PHACTR2: variants seen among roughly 807,000 people sequenced by gnomAD.
PHACTR2 encodes the protein chromosome 6 open reading frame 56.
PHACTR2 carries 30 observed loss-of-function variants against 76.0 expected under a neutral mutation model. The ratio of observed to expected loss-of-function variants is 0.39; its 90% CI spans 0.30 to 0.54. PHACTR2 has a LOEUF of 0.54. PHACTR2 is among the 20% of genes least tolerant of loss of function. The probability of loss-of-function intolerance (pLI) is 0.61; values close to 1 mark genes in which losing one functional copy is unlikely to be tolerated. For synonymous variants in PHACTR2, 292 were observed against 292.5 expected (o/e 1.00, Z 0.02); for missense variants, 696 against 781.1 (o/e 0.89, Z 1.30).
chr6:143,666,770 G>A (rs541582011), intron 1 of PHACTR2, among the ~76,000 whole-genome samples: 140 of 152,266 alleles, frequency 9.2e-4, no homozygotes, highest in African/African-American at 3.2e-3. Flanking sequence ...GTAGATTCTG[G>A]ATGTTAGCCC....
chr6:143,569,775 T>C (rs761006144), intron 1 of PHACTR2, among the ~76,000 whole-genome samples: 15 of 152,164 alleles, frequency 9.9e-5, no homozygotes, highest in African/African-American at 2.9e-4. Flanking sequence ...TACAATAACA[T>C]TGGAGAAAAT....
Position 143,646,515 on chromosome 6 carries a change from C to T in PHACTR2, c.13+38193C>T, listed in dbSNP as rs1325956217. Among the ~76,000 whole-genome samples, 1 of 152,134 alleles carries T rather than the reference C, an allele frequency of 6.6e-6. No homozygotes were observed. Among genetic ancestry groups the T allele is most frequent in the Non-Finnish European group, 1.5e-5 (1 of 68,020 alleles). ...TAACATAATATGATGACTACTTAGA[C>T]ATAACCTGATCCTTCAAATATAACT... On this transcript the variant is annotated intron_variant, in intron 1 of 11. Coordinates refer to the PHACTR2 transcript ENST00000305766. The surrounding 1 kb of genome is among the most constrained non-coding windows in gnomAD (Gnocchi z 4.1).
chr6:143,759,712 G>A (rs1440550269), intron 4 of PHACTR2, among the ~76,000 whole-genome samples: 2 of 151,518 alleles, frequency 1.3e-5, no homozygotes, highest in African/African-American at 2.4e-5. Flanking sequence ...AGGAAGGAAG[G>A]AAAGGGCAGA....
chr6:143,670,529 C>A (rs1023640145), intron 1 of PHACTR2, among the ~76,000 whole-genome samples: 8 of 152,124 alleles, frequency 5.3e-5, no homozygotes, highest in African/African-American at 1.7e-4. Flanking sequence ...TTCTTGGAGG[C>A]TTTGTTCATT....
At chr6:143,798,085 T>C (rs1361127556) in intron 11 of PHACTR2, among the ~76,000 whole-genome samples, 1 of 152,208 alleles carries the variant, frequency 6.6e-6, no homozygotes, top group Non-Finnish European at 1.5e-5. Context: ...GAGCAGTGGT[T>C]TGTAGTTCTC....
Position 143,700,929 on chromosome 6 carries a change from C to T in PHACTR2, c.47-11087C>T, listed in dbSNP as rs1292633247. 2.6e-5 allele frequency among the ~76,000 whole-genome samples: 4 copies of T among 152,252 alleles called. No individual in the cohort carries two copies. The highest frequency in any genetic ancestry group is 9.6e-5 in the African/African-American group (4 of 41,460). ...GTAGCGACATCTTGCTATTCCTAAG[C>T]AGTCATCCTATCTGTTCATAGAGAC... On this transcript the variant is annotated intron_variant, in intron 1 of 12. Coordinates refer to ENST00000440869, the MANE Select transcript of PHACTR2 (RefSeq NM_001100164.2). This position sits in a 1 kb window ranked among gnomAD's most constrained non-coding sequence, Gnocchi z 4.1.
intron 1 of PHACTR2, among the ~76,000 whole-genome samples, chr6:143,642,429 CCTT>C (rs1382796248): frequency 6.6e-6 from 1 of 152,164 alleles, no homozygotes; most frequent in Non-Finnish European, 1.5e-5. Context: ...AAGATTTGCA[CCTT>C]CTTATCTTCA....
intron 1 of PHACTR2, among the ~76,000 whole-genome samples, chr6:143,552,613 A>G (rs1369411560): frequency 6.6e-6 from 1 of 152,188 alleles, no homozygotes; most frequent in Non-Finnish European, 1.5e-5. Context: ...GAATTAAAAA[A>G]AAATTGAAGG....
rs1775738129 is a variant in PHACTR2, at chr6:143,595,457, A to G, written c.217+58250A>G. Among the ~76,000 whole-genome samples the G allele has an allele frequency of 6.6e-6, 1 of 152,210 alleles. No homozygotes were observed. Among genetic ancestry groups the G allele is most frequent in the Non-Finnish European group, 1.5e-5 (1 of 68,032 alleles). On this transcript the variant is annotated intron_variant, in intron 1 of 11. Transcript: ENST00000367584. The surrounding 1 kb of genome is among the most constrained non-coding windows in gnomAD (Gnocchi z 4.2). ...GGGTCATGAGAATTCTATGGTGCTG[A>G]CTGCATTTGGAGCTTAATTATTTAA... is the stretch of plus-strand genomic sequence containing the variant.
Position 143,828,145 on chromosome 6 carries a change from A to G in PHACTR2, c.*4456A>G, listed in dbSNP as rs773804110. 2.0e-5 allele frequency: 3 copies of G among 152,120 alleles called. No individual in the cohort carries two copies. The highest frequency in any genetic ancestry group is 4.4e-5 in the Non-Finnish European group (3 of 68,030). 9.4% of individuals were successfully genotyped at this position (152,120 alleles called of 1,614,324 possible). A position where few individuals can be genotyped will look rare whatever the true frequency, so the allele number is the denominator to read the frequency against. ...AGCCTGGGAGACAGAGCAAGACTCC[A>G]TCTCAAAATAATAATAATAGTAATA... On this transcript the variant is annotated 3_prime_UTR_variant, in exon 13 of 13. Coordinates refer to ENST00000440869, the MANE Select transcript of PHACTR2 (RefSeq NM_001100164.2). The surrounding 1 kb of genome is among the most constrained non-coding windows in gnomAD (Gnocchi z 4.7).
intron 10 of PHACTR2, among the ~76,000 whole-genome samples, chr6:143,785,886 TG>T (rs1450932826): frequency 1.3e-5 from 2 of 152,222 alleles, no homozygotes; most frequent in Non-Finnish European, 2.9e-5. Context: ...ACAGGGACCC[TG>T]GGCCCTGCCC....
At chr6:143,707,141 A>C (rs540037993) in intron 1 of PHACTR2, among the ~76,000 whole-genome samples, 266 of 151,978 alleles carry the variant, frequency 1.8e-3, no homozygotes, top group African/African-American at 6.0e-3. Context: ...AAATATACAC[A>C]GATAATCTTA....
rs563696387 is a variant in PHACTR2 at position 143,719,873 on chromosome 6, C to T, written c.214+7690C>T. On this transcript the variant is annotated intron_variant, in intron 2 of 12. Coordinates refer to ENST00000440869, the MANE Select transcript of PHACTR2 (RefSeq NM_001100164.2). The stretch of plus-strand genomic sequence containing the variant: ...TCTCGCCCAGGCTGGAGTGCAATGG[C>T]GTAATCTCACTCACTGCAACCTCCA... 2.6e-4 allele frequency among the ~76,000 whole-genome samples: 34 copies of T among 129,774 alleles called. No individual in the cohort carries two copies. The South Asian group carries it at 2.7e-3, about 10-fold the overall frequency. The allele number at this position is 129,774 out of a possible 152,430, so 85.1% of individuals were successfully genotyped here.
rs1341834781 is a variant in PHACTR2, at chr6:143,696,463, T to C, written c.47-15553T>C. 6.6e-6 allele frequency among the ~76,000 whole-genome samples: 1 copy of C among 152,182 alleles called. No individual in the cohort carries two copies. The highest frequency in any genetic ancestry group is 1.9e-4 in the East Asian group (1 of 5,194). On this transcript the variant is annotated intron_variant, in intron 1 of 12. Coordinates refer to ENST00000440869, the MANE Select transcript of PHACTR2 (RefSeq NM_001100164.2). This position sits in a 1 kb window ranked among gnomAD's most constrained non-coding sequence, Gnocchi z 4.1. ...CCACAAAACCTCTTATCAGCCTTTTTCCACTTGCTTACATGTATTATCTCT... is the reference window on the plus strand; with the variant it reads ...CCACAAAACCTCTTATCAGCCTTTTCCCACTTGCTTACATGTATTATCTCT...
intron 1 of PHACTR2, among the ~76,000 whole-genome samples, chr6:143,692,178 A>G (rs1777658798): frequency 1.3e-5 from 2 of 152,194 alleles, no homozygotes; most frequent in South Asian, 4.1e-4. Flanking sequence ...TGTTTCTGAC[A>G]ACAGCTGGGT....
At position 143,679,719 on chromosome 6, in the gene PHACTR2, A is replaced by T. The variant is rs7760178; in HGVS notation, c.46+1510A>T. Among the ~76,000 whole-genome samples, 1 of 152,062 alleles carries T rather than the reference A, an allele frequency of 6.6e-6. No individual in the cohort carries two copies. Among genetic ancestry groups the T allele is most frequent in the Non-Finnish European group, 1.5e-5 (1 of 67,954 alleles). ...AAGGAATATTATATAAATGATGTCT[A>T]AGAAGCAAATAAAATCCTAAAGTGA... On this transcript the variant is annotated intron_variant, in intron 1 of 12. Transcript: ENST00000440869. This position sits in a 1 kb window ranked among gnomAD's most constrained non-coding sequence, Gnocchi z 4.6.
chr6:143,611,987 A>G lies in PHACTR2; in HGVS notation c.13+3665A>G, dbSNP rs1283105293. The stretch of plus-strand genomic sequence containing the variant: ...GAATTTAAGACAGTAGTCCTGCACT[A>G]CTGAACACAAGATGAGTTTTCAGAG... On this transcript the variant is annotated intron_variant, in intron 1 of 11. Coordinates refer to the PHACTR2 transcript ENST00000305766. The surrounding 1 kb of genome is among the most constrained non-coding windows in gnomAD (Gnocchi z 4.4). Among the ~76,000 whole-genome samples the G allele has an allele frequency of 6.6e-6, 1 of 152,182 alleles. No individual in the cohort carries two copies. Among genetic ancestry groups the G allele is most frequent in the Non-Finnish European group, 1.5e-5 (1 of 68,026 alleles).
chr6:143,575,805 A>G (rs930802591), intron 1 of PHACTR2, among the ~76,000 whole-genome samples: 12 of 152,110 alleles, frequency 7.9e-5, no homozygotes, highest in Non-Finnish European at 1.6e-4. Context: ...TCCAGTCCCT[A>G]TTGGGGTAAA....
In PHACTR2 at chr6:143,539,301, G is replaced by A. The variant is rs975167079; in HGVS notation, c.217+2094G>A. ...TGTGCCGCAGGATGCTGGCACAGAT[G>A]TAGAAGAGTGAACATCTTTCATGTA... On this transcript the variant is annotated intron_variant, in intron 1 of 11. Transcript: ENST00000367584. The surrounding 1 kb of genome is among the most constrained non-coding windows in gnomAD (Gnocchi z 4.3). 4.6e-5 allele frequency among the ~76,000 whole-genome samples: 7 copies of A among 152,234 alleles called. No individual in the cohort carries two copies. The highest frequency in any genetic ancestry group is 2.9e-5 in the Non-Finnish European group (2 of 68,040).
Sources: allele counts gnomAD v4.1 joint callset (sites outside exome capture counted in the v4.1 genomes callset), GRCh38; gene constraint gnomAD v4.1.1; non-coding constraint Gnocchi (gnomAD v3.1); transcripts MANE v1.5; gene names NCBI Gene and HGNC (gene_info 2026-07-23, HGNC 2026-07-21).